Variants in EFHC1 observed in about 807,000 individuals in gnomAD.
EFHC1 encodes EF-hand domain-containing protein 1.
A neutral mutation model predicts 69.9 loss-of-function variants in EFHC1; 53 were observed. The ratio of observed to expected loss-of-function variants is 0.76; its 90% CI spans 0.61 to 0.95. The LOEUF is 0.95. EFHC1 is among the 40% of genes least tolerant of loss of function. The probability of loss-of-function intolerance (pLI) is 0.00; values close to 1 mark genes in which losing one functional copy is unlikely to be tolerated. For missense variants in EFHC1, 739 were observed against 798.7 expected, an observed-to-expected ratio of 0.93 and a Z score of 0.90; for synonymous variants, 256 against 278.4, an observed-to-expected ratio of 0.92 and a Z score of 0.80.
At chr6:52,444,439 T>C (rs1416095107) in intron 3 of EFHC1, among the ~76,000 whole-genome samples, 1 of 152,184 alleles carries the variant, frequency 6.6e-6, no homozygotes, top group East Asian at 1.9e-4. Context: ...CATAAATAGC[T>C]CTTATTATTT....
intron 3 of EFHC1, among the ~76,000 whole-genome samples, chr6:52,444,108 A>G (rs201521388): frequency 1.3e-5 from 2 of 152,188 alleles, no homozygotes; most frequent in Admixed American, 6.5e-5. Context: ...TTGGTGTATA[A>G]GAATGCTTGT....
chr6:52,452,996 G>C, intron 4 of EFHC1, 159 bp downstream of exon 4: 1 of 1,555,066 alleles, frequency 6.4e-7, no homozygotes, highest in Non-Finnish European at 8.6e-7. Context: ...TTCATCAAGG[G>C]TTACAGGTAC....
At position 52,438,362 on chromosome 6, in the gene EFHC1, A is replaced by G. The variant is rs371610025; in HGVS notation, c.344A>G (p.Tyr115Cys). The change falls in exon 3 of 11, where the codon TAT becomes TGT. Residue 115 changes from tyrosine (Y) to cysteine (C), a missense_variant. Coordinates refer to ENST00000371068, the MANE Select transcript of EFHC1 (RefSeq NM_018100.4). ...GTTCCTATGTCAACTGAGGAACAGT[A>G]TAGGATCCGTCAGGTGAACATTTAC... ...EDVPMSTEEQYRIRQVNIYYY... is the reference protein window; with the variant it reads ...EDVPMSTEEQCRIRQVNIYYY... 1.8e-5 allele frequency: 29 copies of G among 1,613,778 alleles called. No individual in the cohort carries two copies. The African/African-American group carries it at 1.9e-4, about 10-fold the overall frequency.
In EFHC1 at chr6:52,454,211, A is replaced by G. The variant is rs1764987965; in HGVS notation, c.840A>G (p.Glu280=). The change falls in exon 5 of 11, where the codon GAA becomes GAG. Residue 280 remains glutamate (E), a synonymous_variant. Coordinates refer to ENST00000371068, the MANE Select transcript of EFHC1 (RefSeq NM_018100.4). ...CGGTGGAAATTCGAGAGGTCCACGA[A>G]CGGAATGATGGGAGAGATCCTTTCC... The part of the protein sequence containing the change: ...DDTVEIREVH[E]RNDGRDPFPL... 1.2e-6 allele frequency: 2 copies of G among 1,614,204 alleles called. No individual in the cohort carries two copies. The highest frequency in any genetic ancestry group is 1.7e-6 in the Non-Finnish European group (2 of 1,180,028).
chr6:52,454,139 T>C lies in EFHC1; in HGVS notation c.768T>C (p.Tyr256=). 1 of 1,614,074 alleles carries C rather than the reference T, an allele frequency of 6.2e-7. No individual in the cohort carries two copies. The highest frequency in any genetic ancestry group is 1.7e-4 in the Middle Eastern group (1 of 6,026). ...YAIWDDTDSM[Y]GECRTYIIHY... ...TCTGGGATGATACAGACAGCATGTA[T>C]GGTGAATGTCGGACCTACATCATTC... Residue 256 remains tyrosine, a synonymous_variant, in exon 5 of 11, where the codon TAT becomes TAC. Coordinates refer to ENST00000371068, the MANE Select transcript of EFHC1 (RefSeq NM_018100.4).
chr6:52,447,082 G>A (rs1764804416), intron 3 of EFHC1, among the ~76,000 whole-genome samples: 1 of 152,158 alleles, frequency 6.6e-6, no homozygotes, highest in Non-Finnish European at 1.5e-5. Flanking sequence ...GGCATTCTCT[G>A]TATTTCCTGA....
At chr6:52,424,234 TA>T (rs760585999) in intron 2 of EFHC1, 67 bp downstream of exon 2, 11 of 1,442,144 alleles carry the variant, frequency 7.6e-6, no homozygotes, top group Middle Eastern at 2.3e-4. Context: ...GCAAAAAAGT[TA>T]AAACAGTAAA....
In EFHC1 at chr6:52,494,289, C is replaced by T. The variant is rs1037299075; in HGVS notation, c.*1948C>T. ...AGCTTAAAAATTACCAAGCTCTATC[C>T]TACTTGGCCCAGCTCAGTCCTTCCC... On this transcript the variant is annotated 3_prime_UTR_variant, in exon 11 of 11. Transcript: ENST00000371068. 1.3e-5 allele frequency: 6 copies of T among 453,980 alleles called. No individual in the cohort carries two copies. Among genetic ancestry groups the T allele is most frequent in the African/African-American group, 1.2e-4 (6 of 49,988 alleles). The allele number at this position is 453,980 out of a possible 1,614,324, so 28.1% of individuals were successfully genotyped here.
chr6:52,444,274 C>G (rs1313819441), intron 3 of EFHC1, among the ~76,000 whole-genome samples: 1 of 152,130 alleles, frequency 6.6e-6, no homozygotes, highest in Non-Finnish European at 1.5e-5. Context: ...ATTGAATACC[C>G]TTTATTTCTT....
At position 52,494,811 on chromosome 6, in the gene EFHC1, C is replaced by A. The variant is rs1369173907; in HGVS notation, c.*2470C>A. 4 of 452,342 alleles carry A rather than the reference C, an allele frequency of 8.8e-6. No homozygotes were observed. The Admixed American group carries it at 9.4e-5, about 11-fold the overall frequency. 28.0% of individuals were successfully genotyped at this position (452,342 alleles called of 1,614,324 possible). A position where few individuals can be genotyped will look rare whatever the true frequency, so the allele number is the denominator to read the frequency against. ...AACATGCAATATTTGGTTTCCTATT[C>A]CTGCATCAATTCACTTTAGGATAAT... On this transcript the variant is annotated 3_prime_UTR_variant, in exon 11 of 11. Transcript: ENST00000371068.
chr6:52,477,218 A>C (rs1765563019), intron 7 of EFHC1, among the ~76,000 whole-genome samples: 3 of 151,838 alleles, frequency 2.0e-5, no homozygotes, highest in Middle Eastern at 3.2e-3. Flanking sequence ...GATTTTAACT[A>C]TATTGTAGTT....
intron 7 of EFHC1, among the ~76,000 whole-genome samples, chr6:52,474,454 C>T (rs761878514): frequency 1.3e-5 from 2 of 152,190 alleles, no homozygotes; most frequent in African/African-American, 2.4e-5. Flanking sequence ...AACTCTCATA[C>T]TCTTTACTAA....
rs1455774132 is a variant in EFHC1, at chr6:52,427,833, TG to T, written c.285+3667del. Among the ~76,000 whole-genome samples, 15 of 152,294 alleles carry T rather than the reference TG, an allele frequency of 9.8e-5. No individual in the cohort carries two copies. The South Asian group carries it at 3.1e-3, about 32-fold the overall frequency. On this transcript the variant is annotated intron_variant, in intron 2 of 10. Coordinates refer to ENST00000371068, the MANE Select transcript of EFHC1 (RefSeq NM_018100.4). ...AATGTGACTTGGCTTTTTATAATTG[TG>T]TGTGATATGAAAATATTTATGCAGC...
At chr6:52,440,754 A>G (rs1169675191) in intron 3 of EFHC1, among the ~76,000 whole-genome samples, 1 of 152,124 alleles carries the variant, frequency 6.6e-6, no homozygotes, top group Non-Finnish European at 1.5e-5. Context: ...TCTCATCACC[A>G]GTGTATAAAC....
chr6:52,453,518 G>A (rs899811477), intron 4 of EFHC1: 1 of 1,285,752 alleles, frequency 7.8e-7, no homozygotes, highest in Non-Finnish European at 1.0e-6. Context: ...ATGTAAACTA[G>A]CACTAGCATG....
chr6:52,437,052 C>G (rs1016082412), intron 2 of EFHC1, among the ~76,000 whole-genome samples: 7 of 152,082 alleles, frequency 4.6e-5, no homozygotes, highest in African/African-American at 1.4e-4. Context: ...TATATATGTT[C>G]CTGAGCACAA....
At chr6:52,426,809 T>C (rs1177632954) in intron 2 of EFHC1, among the ~76,000 whole-genome samples, 1 of 152,234 alleles carries the variant, frequency 6.6e-6, no homozygotes, top group Non-Finnish European at 1.5e-5. Flanking sequence ...TCTCTCACTT[T>C]CATTTCCTCT....
At chr6:52,439,717 A>G (rs1764617591) in intron 3 of EFHC1, among the ~76,000 whole-genome samples, 1 of 152,136 alleles carries the variant, frequency 6.6e-6, no homozygotes, top group African/African-American at 2.4e-5. Context: ...ATAAGATGAC[A>G]TATGAATAGA....
At chr6:52,462,410 A>G (rs1765189158) in intron 5 of EFHC1, among the ~76,000 whole-genome samples, 1 of 151,934 alleles carries the variant, frequency 6.6e-6, no homozygotes, top group Non-Finnish European at 1.5e-5. Context: ...TTAAAATATT[A>G]AGAAATTAAA....
Sources: allele counts gnomAD v4.1 joint callset (sites outside exome capture counted in the v4.1 genomes callset), GRCh38; gene constraint gnomAD v4.1.1; transcripts MANE v1.5; gene names NCBI Gene and HGNC (gene_info 2026-07-23, HGNC 2026-07-21).